The following ARHGEF9 variants were observed in gnomAD, a reference collection of about 807,000 sequenced individuals.
ARHGEF9 encodes the protein rho guanine nucleotide exchange factor 9.
Under a neutral mutation model 41.3 loss-of-function variants are expected in ARHGEF9, and 2 were observed. That is an observed-to-expected ratio of 0.05 (90% confidence interval 0.02 to 0.15). ARHGEF9 has a LOEUF of 0.15. Among genes scored for constraint, ARHGEF9 ranks in the 10% least tolerant of loss-of-function variants. The pLI is 1.00. For synonymous variants in ARHGEF9, 160 were observed against 154.4 expected (o/e 1.04, Z -0.27); for missense variants, 225 against 424.7 (o/e 0.53, Z 4.13).
chrX:63,642,051 C>T (rs1427372716), intron 9 of ARHGEF9: 16 of 111,414 alleles, frequency 1.4e-4, no homozygotes, highest in African/African-American at 4.6e-4. Flanking sequence ...TGGGACCTGG[C>T]GATTGTGTGA....
chrX:63,683,156 C>CAA (rs1332480309), intron 4 of ARHGEF9, among the ~76,000 whole-genome samples: 2 of 102,003 alleles, frequency 2.0e-5, no homozygotes, highest in African/African-American at 7.1e-5. Flanking sequence ...ATGCAGGATA[C>CAA]AAAAAAAAAA....
intron 6 of ARHGEF9, among the ~76,000 whole-genome samples, chrX:63,669,605 G>A (rs1212105135): frequency 9.0e-6 from 1 of 110,717 alleles, no homozygotes; most frequent in Non-Finnish European, 1.9e-5. Context: ...TGGCTTCCGT[G>A]TTGTTCCTTT....
intron 2 of ARHGEF9, among the ~76,000 whole-genome samples, chrX:63,707,253 A>G (rs1258245107): frequency 9.1e-6 from 1 of 110,297 alleles, no homozygotes; most frequent in Non-Finnish European, 1.9e-5. Context: ...AAAGAAAAGG[A>G]AAGGGCTTGG....
intron 1 of ARHGEF9, among the ~76,000 whole-genome samples, chrX:63,781,473 C>T (rs1382328760): frequency 2.3e-4 from 26 of 111,771 alleles, no homozygotes; most frequent in Non-Finnish European, 1.7e-4. Context: ...ATATGAAATG[C>T]CCCTCCATGT....
intron 1 of ARHGEF9, among the ~76,000 whole-genome samples, chrX:63,752,456 T>G (rs2055709692): frequency 1.8e-5 from 2 of 111,502 alleles, no homozygotes; most frequent in Non-Finnish European, 3.8e-5. Flanking sequence ...CAAAACAAAG[T>G]GCCCAGAAAA....
chrX:63,635,551 T>C lies in ARHGEF9; in HGVS notation c.*2477A>G. 1 of 459,378 alleles carries C rather than the reference T, an allele frequency of 2.2e-6. No homozygotes were observed. The highest frequency in any genetic ancestry group is 3.8e-6 in the Non-Finnish European group (1 of 261,017). The allele number at this position is 459,378 out of a possible 1,213,427, so 37.9% of individuals were successfully genotyped here. A position where few individuals can be genotyped will look rare whatever the true frequency, so the allele number is the denominator to read the frequency against. On this transcript the variant is annotated 3_prime_UTR_variant, in exon 10 of 10. Coordinates refer to ENST00000671741, the MANE Select transcript of ARHGEF9 (RefSeq NM_001353921.2). Reference sequence around the variant, plus strand: ...TGGCCACTGGTCTGCTTTGATGCTATAGGCTGAGGGAATACTCCAACCAAT... The same window carrying C: ...TGGCCACTGGTCTGCTTTGATGCTACAGGCTGAGGGAATACTCCAACCAAT...
At chrX:63,668,599 C>A (rs1251532095) in intron 6 of ARHGEF9, among the ~76,000 whole-genome samples, 1 of 111,904 alleles carries the variant, frequency 8.9e-6, no homozygotes, top group Admixed American at 9.5e-5. Flanking sequence ...ATAACAGTAC[C>A]AACTTCATTT....
At chrX:63,654,777 G>C (rs782007792) in intron 8 of ARHGEF9, among the ~76,000 whole-genome samples, 1 of 111,629 alleles carries the variant, frequency 9.0e-6, no homozygotes, top group African/African-American at 3.3e-5. Context: ...TAACAAGTCT[G>C]GTTGCTTGGT....
At chrX:63,698,917 C>T (rs1277955041) in intron 3 of ARHGEF9, among the ~76,000 whole-genome samples, 1 of 111,841 alleles carries the variant, frequency 8.9e-6, no homozygotes, top group Admixed American at 9.5e-5. Flanking sequence ...CCCAGAACAC[C>T]CTTTTGGCTC....
chrX:63,719,720 G>C, intron 2 of ARHGEF9: 1 of 297,345 alleles, frequency 3.4e-6, no homozygotes, highest in Non-Finnish European at 5.9e-6. Context: ...CCACATTCCT[G>C]GTGTGGCTTG....
At chrX:63,645,360 T>C (rs1206191466) in intron 8 of ARHGEF9, among the ~76,000 whole-genome samples, 1 of 110,886 alleles carries the variant, frequency 9.0e-6, no homozygotes, top group Non-Finnish European at 1.9e-5. Context: ...GTATATCTCC[T>C]AATGCTTTCC....
chrX:63,749,712 A>G (rs1246861090), intron 1 of ARHGEF9, among the ~76,000 whole-genome samples: 2 of 112,666 alleles, frequency 1.8e-5, no homozygotes, highest in Non-Finnish European at 3.8e-5. Context: ...TGCTCAAGTT[A>G]GAAAGGATGT....
At chrX:63,777,920 T>G (rs1434414012) in intron 1 of ARHGEF9, among the ~76,000 whole-genome samples, 1 of 112,718 alleles carries the variant, frequency 8.9e-6, no homozygotes, top group African/African-American at 3.2e-5. Flanking sequence ...TGGCATTGAG[T>G]GCCCATGGCT....
At position 63,691,248 on chromosome X, in the gene ARHGEF9, T is replaced by TA. The variant is rs781782768; in HGVS notation, c.582+5876dup. 1.1e-3 allele frequency among the ~76,000 whole-genome samples: 122 copies of TA among 111,562 alleles called. 1 individual carries two copies. Among genetic ancestry groups the TA allele is most frequent in the African/African-American group, 3.9e-3 (119 of 30,825 alleles). ...TATTTAGAAAAACCTAAAGACTACC[T>TA]ACACACACGAAATGCTGGAAATGAT... On this transcript the variant is annotated intron_variant, in intron 4 of 9. Coordinates refer to ENST00000671741, the MANE Select transcript of ARHGEF9 (RefSeq NM_001353921.2).
chrX:63,647,335 T>G (rs1348418043), intron 8 of ARHGEF9, among the ~76,000 whole-genome samples: 4 of 111,970 alleles, frequency 3.6e-5, no homozygotes, highest in Non-Finnish European at 7.5e-5. Flanking sequence ...GCTTCCAGTT[T>G]TTGCCCATTC....
At chrX:63,690,470 G>A (rs1305161960) in intron 4 of ARHGEF9, among the ~76,000 whole-genome samples, 1 of 111,338 alleles carries the variant, frequency 9.0e-6, no homozygotes, top group African/African-American at 3.3e-5. Flanking sequence ...CCAATAACAA[G>A]TAACAAGATC....
chrX:63,747,682 T>C (rs1556435793), intron 1 of ARHGEF9, among the ~76,000 whole-genome samples: 1 of 112,510 alleles, frequency 8.9e-6, no homozygotes, highest in Non-Finnish European at 1.9e-5. Context: ...ACTCTTAATA[T>C]TCCAGGTGAT....
At chrX:63,781,098 A>AG (rs1412469100) in intron 1 of ARHGEF9, among the ~76,000 whole-genome samples, 5 of 112,455 alleles carry the variant, frequency 4.4e-5, no homozygotes, top group African/African-American at 1.6e-4. Context: ...ACTTCTATTT[A>AG]GTGAGTGCAC....
intron 1 of ARHGEF9, among the ~76,000 whole-genome samples, chrX:63,772,084 C>A (rs2056215065): frequency 8.9e-6 from 1 of 111,876 alleles, no homozygotes; most frequent in African/African-American, 3.3e-5. Context: ...GGTTCTGTTT[C>A]TCTGGAGAAC....
Sources: gnomAD v4.1 joint callset for allele counts (sites outside exome capture counted in the v4.1 genomes callset) on GRCh38, gnomAD v4.1.1 for gene constraint, MANE v1.5 for transcripts, NCBI Gene and HGNC (gene_info 2026-07-23, HGNC 2026-07-21) for gene names.